Variants in SPIDR observed in about 807,000 individuals in gnomAD.
SPIDR encodes scaffold protein involved in DNA repair.
A neutral mutation model predicts 104.6 loss-of-function variants in SPIDR; 93 were observed. The observed-to-expected ratio is 0.89, with a 90% CI of 0.75 to 1.06. The LOEUF (loss-of-function observed/expected upper bound fraction) is 1.06, where lower values mean the gene tolerates loss of function less well. Ranked by LOEUF, SPIDR falls within the 50% of genes least tolerant of loss-of-function variation. SPIDR has a pLI of 0.00. For missense variants in SPIDR, 1,154 were observed against 1,111.2 expected (o/e 1.04, Z -0.55); for synonymous variants, 431 against 416.9 (o/e 1.03, Z -0.41).
intron 7 of SPIDR, among the ~76,000 whole-genome samples, chr8:47,428,632 G>A (rs1242941530): frequency 6.6e-6 from 1 of 152,004 alleles, no homozygotes; most frequent in South Asian, 2.1e-4. Flanking sequence ...TGTTTTTTTA[G>A]ATTTAAGAAA....
Position 47,673,820 on chromosome 8 carries a change from G to C in SPIDR, c.1564G>C (p.Asp522His). 1 of 1,614,156 alleles carries C rather than the reference G, an allele frequency of 6.2e-7. No homozygotes were observed. ...TTACAGAGCCTGCCTTCTGGTACAA[G>C]ATGCCTGTGGAATGTTCGGTGAAGT... ...AGTRACLLVQ[D>H]ACGMFGEVHL... Residue 522 changes from aspartate to histidine, a missense_variant, in exon 11 of 20, where the codon GAT becomes CAT. By Grantham distance (81) the Asp-to-His change is moderately conservative. Coordinates refer to ENST00000297423, the MANE Select transcript of SPIDR (RefSeq NM_001080394.4).
At chr8:47,633,285 G>T (rs1380700307) in intron 10 of SPIDR, among the ~76,000 whole-genome samples, 1 of 151,970 alleles carries the variant, frequency 6.6e-6, no homozygotes, top group Admixed American at 6.6e-5. Flanking sequence ...TAAACAAAAA[G>T]CCAGTCATCT....
chr8:47,294,730 A>C (rs1227124488), intron 5 of SPIDR, among the ~76,000 whole-genome samples: 3 of 152,208 alleles, frequency 2.0e-5, no homozygotes, highest in South Asian at 4.1e-4. Context: ...TCCTGGGCTC[A>C]AGTGATCCTC....
intron 7 of SPIDR, among the ~76,000 whole-genome samples, chr8:47,439,496 T>A (rs782051405): frequency 5.3e-5 from 8 of 152,218 alleles, no homozygotes; most frequent in South Asian, 2.1e-4. Flanking sequence ...ACACCATGGT[T>A]TACCCATCTT....
chr8:47,333,359 T>C (rs1554605977), intron 5 of SPIDR, among the ~76,000 whole-genome samples: 1 of 152,198 alleles, frequency 6.6e-6, no homozygotes, highest in Non-Finnish European at 1.5e-5. Context: ...TGGAATGCAG[T>C]GGTGCAATCT....
intron 8 of SPIDR, among the ~76,000 whole-genome samples, chr8:47,469,717 C>T (rs186703022): frequency 2.6e-5 from 4 of 152,078 alleles, no homozygotes; most frequent in African/African-American, 9.6e-5. Context: ...TGGGGGCCTA[C>T]TGGAGGGTGG....
chr8:47,732,186 T>G lies in SPIDR; in HGVS notation c.2604+2721T>G, dbSNP rs1589630923. 4 of 702,426 alleles carry G rather than the reference T, an allele frequency of 5.7e-6. No individual in the cohort carries two copies. The East Asian group carries it at 1.1e-4, about 19-fold the overall frequency. The allele number at this position is 702,426 out of a possible 1,614,324, so 43.5% of individuals were successfully genotyped here. A position where few individuals can be genotyped will look rare whatever the true frequency, so the allele number is the denominator to read the frequency against. On this transcript the variant is annotated intron_variant, in intron 19 of 19. Transcript: ENST00000297423. Reference sequence around the variant, plus strand: ...CTCCTTCCTTCACTTGGTTTCCTTCTGGCTAAGGTGCTTGTTCCTCCTACA... The same window carrying G: ...CTCCTTCCTTCACTTGGTTTCCTTCGGGCTAAGGTGCTTGTTCCTCCTACA...
chr8:47,292,058 A>G (rs1011290862), intron 4 of SPIDR, among the ~76,000 whole-genome samples: 2 of 152,252 alleles, frequency 1.3e-5, no homozygotes, highest in South Asian at 4.1e-4. Context: ...ATGTCTCCAG[A>G]TGTTGTCAAG....
At chr8:47,316,512 A>T (rs1196898727) in intron 5 of SPIDR, among the ~76,000 whole-genome samples, 1 of 152,234 alleles carries the variant, frequency 6.6e-6, no homozygotes, top group African/African-American at 2.4e-5. Flanking sequence ...TAAATGGAAT[A>T]CAACTTAGCA....
At chr8:47,385,866 T>G (rs2059841728) in intron 5 of SPIDR, among the ~76,000 whole-genome samples, 1 of 152,196 alleles carries the variant, frequency 6.6e-6, no homozygotes, top group Admixed American at 6.5e-5. Context: ...CTTGGGGAAA[T>G]TTTTGGACAC....
At chr8:47,485,240 T>G (rs1554730169) in intron 8 of SPIDR, among the ~76,000 whole-genome samples, 1 of 152,118 alleles carries the variant, frequency 6.6e-6, no homozygotes, top group African/African-American at 2.4e-5. Flanking sequence ...GCACGGAGCC[T>G]CGCTCATTGC....
rs540957632 is a variant in SPIDR, at chr8:47,556,734, G to A, written c.1098-39077G>A. Reference sequence around the variant, plus strand: ...TCCACCTCAGCCTCCTGAGTAGCTGGGACTACAGGTACATGACACTCCCAT... The same window carrying A: ...TCCACCTCAGCCTCCTGAGTAGCTGAGACTACAGGTACATGACACTCCCAT... On this transcript the variant is annotated intron_variant, in intron 8 of 19. Coordinates refer to ENST00000297423, the MANE Select transcript of SPIDR (RefSeq NM_001080394.4). 9.9e-5 allele frequency among the ~76,000 whole-genome samples: 15 copies of A among 152,002 alleles called. No homozygotes were observed. In the East Asian group the frequency reaches 2.9e-3, roughly 29 times the overall value.
At chr8:47,517,841 A>T (rs1164786446) in intron 8 of SPIDR, among the ~76,000 whole-genome samples, 1 of 152,214 alleles carries the variant, frequency 6.6e-6, no homozygotes, top group Non-Finnish European at 1.5e-5. Flanking sequence ...ATTAATTTTA[A>T]TTACTTTTCA....
rs2059557167 is a variant in SPIDR, at chr8:47,383,523, G to A, written c.526-12853G>A. On this transcript the variant is annotated intron_variant, in intron 5 of 19. Transcript: ENST00000297423. Reference sequence around the variant, plus strand: ...AGAGCATTTCATCAGTGGAGTTGGAGGTGGAGACAAGTCAGAATGCACAGA... The same window carrying A: ...AGAGCATTTCATCAGTGGAGTTGGAAGTGGAGACAAGTCAGAATGCACAGA... Among the ~76,000 whole-genome samples, 3 of 152,320 alleles carry A rather than the reference G, an allele frequency of 2.0e-5. No individual in the cohort carries two copies. The South Asian group carries it at 6.2e-4, about 32-fold the overall frequency.
chr8:47,610,726 C>G (rs1369066519), intron 10 of SPIDR, among the ~76,000 whole-genome samples: 1 of 152,208 alleles, frequency 6.6e-6, no homozygotes, highest in Admixed American at 6.5e-5. Flanking sequence ...TTGGACACCC[C>G]CTTCCCACGA....
intron 5 of SPIDR, among the ~76,000 whole-genome samples, chr8:47,354,952 G>GT (rs1191734132): frequency 1.3e-5 from 2 of 151,476 alleles, no homozygotes; most frequent in African/African-American, 2.4e-5. Flanking sequence ...CCTAATGAAG[G>GT]TTTTTTGTTT....
At chr8:47,316,023 T>C (rs1024890405) in intron 5 of SPIDR, among the ~76,000 whole-genome samples, 1 of 152,188 alleles carries the variant, frequency 6.6e-6, no homozygotes, top group Admixed American at 6.5e-5. Context: ...CTTCTGCTCA[T>C]TAAGAGACAT....
intron 5 of SPIDR, among the ~76,000 whole-genome samples, chr8:47,297,181 C>T (rs1586522907): frequency 2.0e-5 from 3 of 152,224 alleles, no homozygotes; most frequent in African/African-American, 4.8e-5. Flanking sequence ...TCTCTTCTTC[C>T]TCTGATATGG....
At chr8:47,324,524 C>G (rs2047334125) in intron 5 of SPIDR, among the ~76,000 whole-genome samples, 1 of 152,184 alleles carries the variant, frequency 6.6e-6, no homozygotes, top group South Asian at 2.1e-4. Context: ...ATTTCAACAT[C>G]AAAACCTTAT....
Sources: gnomAD v4.1 joint callset for allele counts (sites outside exome capture counted in the v4.1 genomes callset) on GRCh38, gnomAD v4.1.1 for gene constraint, MANE v1.5 for transcripts, NCBI Gene and HGNC (gene_info 2026-07-23, HGNC 2026-07-21) for gene names.